The following NMT2 variants were observed in gnomAD, a reference collection of about 807,000 sequenced individuals.
The protein encoded by NMT2 is N-myristoyltransferase 2, also known as glycylpeptide N-tetradecanoyltransferase 2.
NMT2 carries 35 observed loss-of-function variants against 65.4 expected under a neutral mutation model. That is an observed-to-expected ratio of 0.54 (90% confidence interval 0.41 to 0.71). The LOEUF (loss-of-function observed/expected upper bound fraction) is 0.71, where lower values mean the gene tolerates loss of function less well. Among genes scored for constraint, NMT2 ranks in the 30% least tolerant of loss-of-function variants. NMT2 has a pLI of 0.00. For synonymous variants in NMT2, 226 were observed against 231.8 expected (o/e 0.98, Z 0.23); for missense variants, 489 against 611.3 (o/e 0.80, Z 2.11).
intron 10 of NMT2, among the ~76,000 whole-genome samples, chr10:15,111,238 T>G (rs1845503364): frequency 6.6e-6 from 1 of 151,694 alleles, no homozygotes; most frequent in Non-Finnish European, 1.5e-5. Flanking sequence ...AGGCCGGGCG[T>G]GGTGGCTCAC....
intron 1 of NMT2, among the ~76,000 whole-genome samples, chr10:15,148,964 C>T (rs1377484839): frequency 3.3e-5 from 5 of 152,088 alleles, no homozygotes; most frequent in South Asian, 2.1e-4. Flanking sequence ...ATCAGAAGAA[C>T]GTGAGGAAAG....
intron 1 of NMT2, among the ~76,000 whole-genome samples, chr10:15,149,529 CCAT>C (rs1185735262): frequency 9.1e-5 from 5 of 54,948 alleles, no homozygotes; most frequent in South Asian, 6.3e-4. Context: ...ACCATCATCA[CCAT>C]CATCACCACC....
intron 1 of NMT2, among the ~76,000 whole-genome samples, chr10:15,165,416 AG>A (rs1833345619): frequency 6.6e-6 from 1 of 152,176 alleles, no homozygotes; most frequent in South Asian, 2.1e-4. Context: ...ATCCTCTATT[AG>A]CCTGGTTCTA....
rs1273254012 is a variant in NMT2 at position 15,168,550 on chromosome 10, C to G, written c.63G>C (p.Thr21=). The G allele has an allele frequency of 6.3e-7, 1 of 1,594,930 alleles. No homozygotes were observed. Among genetic ancestry groups the G allele is most frequent in the East Asian group, 2.3e-5 (1 of 42,874 alleles). Residue 21 remains threonine (T), a synonymous_variant, in exon 1 of 12, where the codon ACG becomes ACC. Coordinates refer to ENST00000378165, the MANE Select transcript of NMT2 (RefSeq NM_004808.3). ...QQSLELDDQD[T]CGIDGDNEEE... ...CCTCATTGTCCCCGTCTATCCCGCA[C>G]GTGTCCTGGTCGTCCAGTTCCAGGC... is the stretch of plus-strand genomic sequence containing the variant.
Position 15,135,432 on chromosome 10 carries a change from G to A in NMT2, c.247-14C>T, listed in dbSNP as rs1846446933. On this transcript the variant is annotated splice_polypyrimidine_tract_variant and intron_variant, in intron 2 of 11. Coordinates refer to ENST00000378165, the MANE Select transcript of NMT2 (RefSeq NM_004808.3). ...AACACTGGGATTCTACGACAGCAAA[G>A]ACAGACACAGAATATGAGAGAGCGG... 6.2e-7 allele frequency: 1 copy of A among 1,613,296 alleles called. No homozygotes were observed. Among genetic ancestry groups the A allele is most frequent in the Non-Finnish European group, 8.5e-7 (1 of 1,179,550 alleles).
chr10:15,136,374 GAGGA>G (rs371766132), intron 2 of NMT2, among the ~76,000 whole-genome samples: 41 of 145,288 alleles, frequency 2.8e-4, no homozygotes, highest in East Asian at 2.6e-3. Flanking sequence ...GGGAGCGAGG[GAGGA>G]AGGAAGGAAG....
At chr10:15,118,193 A>G (rs564237636) in intron 9 of NMT2, among the ~76,000 whole-genome samples, 89 of 152,348 alleles carry the variant, frequency 5.8e-4, no homozygotes, top group African/African-American at 2.0e-3. Context: ...AATAGAATAT[A>G]GAGGACCCAG....
At chr10:15,155,037 C>T (rs1229207483) in intron 1 of NMT2, 3 of 1,233,264 alleles carry the variant, frequency 2.4e-6, no homozygotes, top group Non-Finnish European at 3.6e-6. Context: ...GGACAAGATG[C>T]CAGGACCTGT....
At position 15,106,872 on chromosome 10, in the gene NMT2, A is replaced by G. The variant is rs1348954948; in HGVS notation, c.*2323T>C. On this transcript the variant is annotated 3_prime_UTR_variant, in exon 12 of 12. Transcript: ENST00000378165. Reference sequence around the variant, plus strand: ...TCCCAGTACTTTGGGAGGCCAAGGCAGAAGGATCACTTGAGGCCAGGAGTT... The same window carrying G: ...TCCCAGTACTTTGGGAGGCCAAGGCGGAAGGATCACTTGAGGCCAGGAGTT... Among the ~76,000 whole-genome samples the G allele has an allele frequency of 2.0e-5, 3 of 152,226 alleles. No individual in the cohort carries two copies. Among genetic ancestry groups the G allele is most frequent in the Non-Finnish European group, 2.9e-5 (2 of 68,036 alleles).
chr10:15,120,255 C>G (rs1480543702), intron 8 of NMT2, among the ~76,000 whole-genome samples: 1 of 152,082 alleles, frequency 6.6e-6, no homozygotes, highest in Non-Finnish European at 1.5e-5. Context: ...GTCAGAAGTT[C>G]GAGACCAGCC....
intron 1 of NMT2, among the ~76,000 whole-genome samples, chr10:15,142,996 C>T (rs1397401602): frequency 6.6e-6 from 1 of 152,158 alleles, no homozygotes; most frequent in Non-Finnish European, 1.5e-5. Flanking sequence ...TTTATGTATG[C>T]ATTTGTATGT....
At chr10:15,113,463 C>CAAAAAAAAAAA (rs1169255963) in intron 9 of NMT2, among the ~76,000 whole-genome samples, 22 of 36,988 alleles carry the variant, frequency 5.9e-4, no homozygotes, top group Admixed American at 1.3e-3. Flanking sequence ...GGATGAGACT[C>CAAAAAAAAAAA]AAAAAAAAAA....
At chr10:15,136,549 A>G (rs1846513875) in intron 2 of NMT2, among the ~76,000 whole-genome samples, 1 of 151,892 alleles carries the variant, frequency 6.6e-6, no homozygotes, top group African/African-American at 2.4e-5. Context: ...TGGGATGAAA[A>G]TGATCAAGAA....
chr10:15,126,719 G>C (rs1846084867), intron 8 of NMT2, among the ~76,000 whole-genome samples: 1 of 152,178 alleles, frequency 6.6e-6, no homozygotes, highest in Non-Finnish European at 1.5e-5. Context: ...CCTCAGCCCT[G>C]GCTGACACCT....
At chr10:15,160,838 T>C (rs997052223) in intron 1 of NMT2, among the ~76,000 whole-genome samples, 5 of 151,484 alleles carry the variant, frequency 3.3e-5, no homozygotes, top group Admixed American at 6.6e-5. Flanking sequence ...CCTTTGGTAA[T>C]AGAACAACAG....
chr10:15,127,546 CAAAAAAAAAAAAAAAA>C (rs1239422956), intron 8 of NMT2, among the ~76,000 whole-genome samples: 2 of 51,370 alleles, frequency 3.9e-5, no homozygotes, highest in African/African-American at 9.9e-5. Flanking sequence ...GACTCCGTCT[CAAAAAAAAAAAAAAAA>C]AAAAAAAATA....
Position 15,109,820 on chromosome 10 carries a change from T to C in NMT2, c.1358A>G (p.Asn453Ser), listed in dbSNP as rs961862133. The C allele has an allele frequency of 5.6e-6, 9 of 1,610,240 alleles. No homozygotes were observed. The highest frequency in any genetic ancestry group is 3.4e-5 in the Admixed American group (2 of 59,040). Residue 453 changes from asparagine (N) to serine (S), a missense_variant, in exon 11 of 12, where the codon AAT becomes AGT. Coordinates refer to ENST00000378165, the MANE Select transcript of NMT2 (RefSeq NM_004808.3). ...LAKSKGFDVF[N>S]ALDLMENKTF... ...CTTATTTTCCATCAAATCCAGTGCA[T>C]TGAATACATCAAATCCTTTCTGCCA...
intron 10 of NMT2, among the ~76,000 whole-genome samples, chr10:15,110,667 A>T (rs1171393721): frequency 2.0e-5 from 3 of 152,218 alleles, no homozygotes; most frequent in East Asian, 1.9e-4. Context: ...GAATCCAATG[A>T]AGTCAGCATG....
Position 15,107,100 on chromosome 10 carries a change from C to T in NMT2, c.*2095G>A, listed in dbSNP as rs1373116301. 1.5e-4 allele frequency among the ~76,000 whole-genome samples: 16 copies of T among 108,674 alleles called. No homozygotes were observed. Among genetic ancestry groups the T allele is most frequent in the African/African-American group, 5.2e-4 (16 of 30,640 alleles). The allele number at this position is 108,674 out of a possible 152,430, so 71.3% of individuals were successfully genotyped here. ...TTCTAGCCTGGACAATAGAGTGAGA[C>T]CCTGTCCTAAAAAAAAAAAAAAAAA... On this transcript the variant is annotated 3_prime_UTR_variant, in exon 12 of 12. Coordinates refer to ENST00000378165, the MANE Select transcript of NMT2 (RefSeq NM_004808.3).
Sources: gnomAD v4.1 joint callset for allele counts (sites outside exome capture counted in the v4.1 genomes callset) on GRCh38, gnomAD v4.1.1 for gene constraint, MANE v1.5 for transcripts, NCBI Gene and HGNC (gene_info 2026-07-23, HGNC 2026-07-21) for gene names.